Variants in BMP2 observed in about 807,000 individuals in gnomAD.
The protein encoded by BMP2 is bone morphogenetic protein 2A.
Under a neutral mutation model 28.8 loss-of-function variants are expected in BMP2, and 2 were observed. The ratio of observed to expected loss-of-function variants is 0.07; its 90% CI spans 0.03 to 0.22. BMP2 has a LOEUF of 0.22. Among genes scored for constraint, BMP2 ranks in the 10% least tolerant of loss-of-function variants. The pLI is 1.00. For synonymous variants in BMP2, 218 were observed against 204.3 expected, an observed-to-expected ratio of 1.07 and a Z score of -0.57; for missense variants, 437 against 517.7, an observed-to-expected ratio of 0.84 and a Z score of 1.51.
chr20:6,777,183 C>T (rs1986517417), intron 2 of BMP2, among the ~76,000 whole-genome samples: 1 of 152,106 alleles, frequency 6.6e-6, no homozygotes, highest in Non-Finnish European at 1.5e-5. Context: ...AATAATACTT[C>T]TTAAAAATTG....
In BMP2 at chr20:6,768,595, G is replaced by C. The variant is rs1600169287; in HGVS notation, c.-288G>C. ...TGAACTTGCAGGGAGAATAACTTGCGCACCCCACTTTGCGCCGGTGCCTTT... is the reference window on the plus strand; with the variant it reads ...TGAACTTGCAGGGAGAATAACTTGCCCACCCCACTTTGCGCCGGTGCCTTT... On this transcript the variant is annotated 5_prime_UTR_variant, in exon 1 of 3. Coordinates refer to ENST00000378827, the MANE Select transcript of BMP2 (RefSeq NM_001200.4). 2.5e-6 allele frequency: 1 copy of C among 394,798 alleles called. No individual in the cohort carries two copies. The highest frequency in any genetic ancestry group is 2.1e-5 in the African/African-American group (1 of 48,612). The allele number at this position is 394,798 out of a possible 1,614,324, so 24.5% of individuals were successfully genotyped here.
intron 1 of BMP2, 48 bp from the exon 2 acceptor site, chr20:6,770,072 G>C: frequency 6.8e-7 from 1 of 1,479,806 alleles, no homozygotes; most frequent in South Asian, 1.3e-5. Flanking sequence ...CGCGAGGGGG[G>C]AGGACTGGGC....
At chr20:6,777,506 T>C (rs1986523674) in intron 2 of BMP2, among the ~76,000 whole-genome samples, 1 of 152,146 alleles carries the variant, frequency 6.6e-6, no homozygotes, top group Admixed American at 6.5e-5. Flanking sequence ...ATTTTGATAT[T>C]TGAGGTCATA....
At chr20:6,773,310 T>G (rs1211177381) in intron 2 of BMP2, among the ~76,000 whole-genome samples, 1 of 152,234 alleles carries the variant, frequency 6.6e-6, no homozygotes, top group African/African-American at 2.4e-5. Flanking sequence ...GACACATAGA[T>G]CCACCAAAAC....
Position 6,770,279 on chromosome 20 carries a change from C to T in BMP2, c.153C>T (p.Ser51=), listed in dbSNP as rs1230093362. 8.1e-6 allele frequency: 13 copies of T among 1,613,208 alleles called. No homozygotes were observed. Among genetic ancestry groups the T allele is most frequent in the Non-Finnish European group, 1.0e-5 (12 of 1,179,834 alleles). The change falls in exon 2 of 3, where the codon AGC becomes AGT. Residue 51 remains serine, a synonymous_variant. Transcript: ENST00000378827. ...PSSQPSDEVL[S]EFELRLLSMF... ...CCCAGCCCTCTGACGAGGTCCTGAG[C>T]GAGTTCGAGTTGCGGCTGCTCAGCA... is the stretch of plus-strand genomic sequence containing the variant.
Position 6,770,396 on chromosome 20 carries a change from G to C in BMP2, c.270G>C (p.Pro90=), listed in dbSNP as rs960390396. The C allele has an allele frequency of 6.2e-7, 1 of 1,612,398 alleles. No homozygotes were observed. The highest frequency in any genetic ancestry group is 1.3e-5 in the African/African-American group (1 of 74,880). ...LDLYRRHSGQ[P]GSPAPDHRLE... Reference sequence around the variant, plus strand: ...TGTATCGCAGGCACTCAGGTCAGCCGGGCTCACCCGCCCCAGACCACCGGT... The same window carrying C: ...TGTATCGCAGGCACTCAGGTCAGCCCGGCTCACCCGCCCCAGACCACCGGT... The change falls in exon 2 of 3, where the codon CCG becomes CCC. Residue 90 remains proline, a synonymous_variant. Coordinates refer to ENST00000378827, the MANE Select transcript of BMP2 (RefSeq NM_001200.4).
In BMP2 at chr20:6,778,108, G is replaced by T. The variant is rs539447960; in HGVS notation, c.347-137G>T. Reference sequence around the variant, plus strand: ...TTAAAGAGGAAATTTTTATTTTCTGGTTACCTACTTTTACATGGGTTACAT... The same window carrying T: ...TTAAAGAGGAAATTTTTATTTTCTGTTTACCTACTTTTACATGGGTTACAT... On this transcript the variant is annotated intron_variant, in intron 2 of 2. Coordinates refer to ENST00000378827, the MANE Select transcript of BMP2 (RefSeq NM_001200.4). The surrounding 1 kb of genome is among the most constrained non-coding windows in gnomAD (Gnocchi z 5.0). 1.1e-5 allele frequency: 14 copies of T among 1,285,374 alleles called. No individual in the cohort carries two copies. The African/African-American group carries it at 2.1e-4, about 19-fold the overall frequency. 79.6% of individuals were successfully genotyped at this position (1,285,374 alleles called of 1,614,324 possible).
Position 6,778,162 on chromosome 20 carries a change from T to A in BMP2, c.347-83T>A. 6.6e-7 allele frequency: 1 copy of A among 1,511,136 alleles called. No homozygotes were observed. Among genetic ancestry groups the A allele is most frequent in the Admixed American group, 2.3e-5 (1 of 43,508 alleles). The allele number at this position is 1,511,136 out of a possible 1,614,324, so 93.6% of individuals were successfully genotyped here. ...ATCCCACGATGAGGTTTAAAAATTC[T>A]CATAGATAATCAAACGTCATTACTT... is the stretch of plus-strand genomic sequence containing the variant. On this transcript the variant is annotated intron_variant, in intron 2 of 2. Coordinates refer to ENST00000378827, the MANE Select transcript of BMP2 (RefSeq NM_001200.4). The surrounding 1 kb of genome is among the most constrained non-coding windows in gnomAD (Gnocchi z 5.0).
At chr20:6,776,090 G>A (rs1316970333) in intron 2 of BMP2, among the ~76,000 whole-genome samples, 1 of 152,098 alleles carries the variant, frequency 6.6e-6, no homozygotes, top group South Asian at 2.1e-4. Flanking sequence ...CAGCAGAAAC[G>A]TCTGAATTGC....
chr20:6,778,679 A>G lies in BMP2; in HGVS notation c.781A>G (p.Arg261Gly). The G allele has an allele frequency of 1.2e-6, 2 of 1,614,210 alleles. No homozygotes were observed. Among genetic ancestry groups the G allele is most frequent in the Non-Finnish European group, 1.7e-6 (2 of 1,180,032 alleles). The stretch of plus-strand genomic sequence containing the variant: ...AGATGAACACAGCTGGTCACAGATA[A>G]GGCCATTGCTAGTAACTTTTGGCCA... Reference protein sequence around the residue: ...HQDEHSWSQIRPLLVTFGHDG... With the variant: ...HQDEHSWSQIGPLLVTFGHDG... The change falls in exon 3 of 3, where the codon AGG (arginine) becomes GGG (glycine). Residue 261 changes from arginine (R) to glycine (G), a missense_variant. Transcript: ENST00000378827. The surrounding 1 kb of genome is among the most constrained non-coding windows in gnomAD (Gnocchi z 5.0).
intron 2 of BMP2, among the ~76,000 whole-genome samples, chr20:6,776,544 T>TC (rs1364011445): frequency 1.3e-5 from 2 of 152,204 alleles, no homozygotes; most frequent in Non-Finnish European, 2.9e-5. Flanking sequence ...ACCTTGACAC[T>TC]CCAAGTGTGG....
chr20:6,767,965 C>T lies in BMP2; in HGVS notation c.-918C>T, dbSNP rs1388193215. Reference sequence around the variant, plus strand: ...GTGGCCTCTGCTGCCCGGGCTGCGCCAGAGCCGCGGACGGGCGCGCAGAGC... The same window carrying T: ...GTGGCCTCTGCTGCCCGGGCTGCGCTAGAGCCGCGGACGGGCGCGCAGAGC... On this transcript the variant is annotated 5_prime_UTR_variant, in exon 1 of 3. Transcript: ENST00000378827. 5 of 396,418 alleles carry T rather than the reference C, an allele frequency of 1.3e-5. No homozygotes were observed. Among genetic ancestry groups the T allele is most frequent in the African/African-American group, 8.3e-5 (4 of 48,420 alleles). 24.6% of individuals were successfully genotyped at this position (396,418 alleles called of 1,614,324 possible).
rs976907321 is a variant in BMP2, at chr20:6,768,084, G to C, written c.-799G>C. The C allele has an allele frequency of 1.8e-5, 7 of 398,168 alleles. No individual in the cohort carries two copies. The highest frequency in any genetic ancestry group is 8.8e-5 in the Admixed American group (2 of 22,700). 24.7% of individuals were successfully genotyped at this position (398,168 alleles called of 1,614,324 possible). ...GGGACGCGCTGGCCGAGGTGTGATC[G>C]GACCCCAGGCTAGCCACAAAGGGCA... On this transcript the variant is annotated 5_prime_UTR_variant, in exon 1 of 3. Coordinates refer to ENST00000378827, the MANE Select transcript of BMP2 (RefSeq NM_001200.4).
At chr20:6,770,975 A>G (rs1391092659) in intron 2 of BMP2, among the ~76,000 whole-genome samples, 4 of 152,300 alleles carry the variant, frequency 2.6e-5, no homozygotes, top group Non-Finnish European at 5.9e-5. Flanking sequence ...AAGTCTTTCT[A>G]ATTTATAGTT....
intron 2 of BMP2, among the ~76,000 whole-genome samples, chr20:6,775,801 G>T (rs1179982954): frequency 6.6e-6 from 1 of 152,090 alleles, no homozygotes; most frequent in Non-Finnish European, 1.5e-5. Context: ...GGGTGTGTAC[G>T]TGTGTGCGAG....
chr20:6,772,373 GA>G (rs1183782912), intron 2 of BMP2, among the ~76,000 whole-genome samples: 1 of 152,150 alleles, frequency 6.6e-6, no homozygotes, highest in Non-Finnish European at 1.5e-5. Flanking sequence ...AGATAATGGA[GA>G]AAAGCTATGT....
chr20:6,776,990 G>T (rs752241186), intron 2 of BMP2, among the ~76,000 whole-genome samples: 2 of 152,198 alleles, frequency 1.3e-5, no homozygotes, highest in Non-Finnish European at 2.9e-5. Flanking sequence ...TAGGAATTCT[G>T]AATGAAGCAG....
In BMP2 at chr20:6,778,810, C is replaced by T; in HGVS notation, c.912C>T (p.Asp304=). Residue 304 remains aspartate (D), a synonymous_variant, in exon 3 of 3, where the codon GAC becomes GAT. Coordinates refer to ENST00000378827, the MANE Select transcript of BMP2 (RefSeq NM_001200.4). This position sits in a 1 kb window ranked among gnomAD's most constrained non-coding sequence, Gnocchi z 5.0. ...SSCKRHPLYV[D]FSDVGWNDWI... ...GTAAGAGACACCCTTTGTACGTGGA[C>T]TTCAGTGACGTGGGGTGGAATGACT... The T allele has an allele frequency of 6.2e-7, 1 of 1,614,168 alleles. No individual in the cohort carries two copies. Among genetic ancestry groups the T allele is most frequent in the Non-Finnish European group, 8.5e-7 (1 of 1,180,028 alleles).
chr20:6,771,199 T>C (rs558145059), intron 2 of BMP2, among the ~76,000 whole-genome samples: 4 of 152,180 alleles, frequency 2.6e-5, no homozygotes, highest in African/African-American at 9.6e-5. Flanking sequence ...GATTTTTTTT[T>C]CTTTTATGAT....
Sources: gnomAD v4.1 joint callset for allele counts (sites outside exome capture counted in the v4.1 genomes callset) on GRCh38, gnomAD v4.1.1 for gene constraint, Gnocchi (gnomAD v3.1) non-coding constraint, MANE v1.5 for transcripts, NCBI Gene and HGNC (gene_info 2026-07-23, HGNC 2026-07-21) for gene names.